The following OLFM1 variants were observed in gnomAD, a reference collection of about 807,000 sequenced individuals.
The protein encoded by OLFM1 is olfactomedin 1, also known as noelin.
In OLFM1, 9 loss-of-function variants were observed where a neutral mutation model predicts 49.7. The observed-to-expected ratio is 0.18, with a 90% CI of 0.11 to 0.32. OLFM1 has a LOEUF of 0.32. OLFM1 is among the 10% of genes least tolerant of loss of function. The pLI, the probability that OLFM1 is intolerant of heterozygous loss-of-function variation, is 1.00. For missense variants in OLFM1, 369 were observed against 661.8 expected, an observed-to-expected ratio of 0.56 and a Z score of 4.85; for synonymous variants, 240 against 271.8, an observed-to-expected ratio of 0.88 and a Z score of 1.15.
chr9:135,081,547 C>G (rs1243113432), intron 1 of OLFM1, among the ~76,000 whole-genome samples: 24 of 152,180 alleles, frequency 1.6e-4, no homozygotes, highest in Admixed American at 1.6e-3. Context: ...CCGTCCACCC[C>G]TTGGAAACGG....
intron 5 of OLFM1, among the ~76,000 whole-genome samples, chr9:135,116,218 G>A (rs1831094139): frequency 6.6e-6 from 1 of 152,168 alleles, no homozygotes; most frequent in South Asian, 2.1e-4. Context: ...AGGCCTGTGG[G>A]GTTCTGAGTG....
At chr9:135,110,071 C>T (rs929470288) in intron 5 of OLFM1, among the ~76,000 whole-genome samples, 2 of 152,212 alleles carry the variant, frequency 1.3e-5, no homozygotes, top group African/African-American at 2.4e-5. Context: ...CCCAGGGCAC[C>T]GGGCCCCACA....
chr9:135,110,469 G>A (rs549444509), intron 5 of OLFM1, among the ~76,000 whole-genome samples: 2 of 152,320 alleles, frequency 1.3e-5, no homozygotes, highest in African/African-American at 2.4e-5. Context: ...TTAGCTTAGC[G>A]TTTCAAAGTC....
intron 1 of OLFM1, among the ~76,000 whole-genome samples, chr9:135,089,128 C>T (rs1830645028): frequency 6.6e-6 from 1 of 152,198 alleles, no homozygotes; most frequent in African/African-American, 2.4e-5. Flanking sequence ...GTGGCTCCCT[C>T]CTAAGACCCC....
In OLFM1 at chr9:135,113,592, C is replaced by A. The variant is rs575028772; in HGVS notation, c.784-5912C>A. Among the ~76,000 whole-genome samples the A allele has an allele frequency of 6.6e-6, 1 of 152,124 alleles. No individual in the cohort carries two copies. The highest frequency in any genetic ancestry group is 6.5e-5 in the Admixed American group (1 of 15,282). ...TGGCGGTGGAGGCGCTTCTTGGTGC[C>A]GCATTAACAGGAGTCCAGCCACGTG... is the stretch of plus-strand genomic sequence containing the variant. On this transcript the variant is annotated intron_variant, in intron 5 of 5. Transcript: ENST00000371793. This position sits in a 1 kb window ranked among gnomAD's most constrained non-coding sequence, Gnocchi z 4.0.
At chr9:135,099,704 A>G (rs536542333) in intron 4 of OLFM1, among the ~76,000 whole-genome samples, 7 of 152,348 alleles carry the variant, frequency 4.6e-5, no homozygotes, top group Admixed American at 4.6e-4. Context: ...TGATGTGTGC[A>G]TGCTGGCTGT....
Position 135,119,842 on chromosome 9 carries a change from T to C in OLFM1, c.1122T>C (p.Ala374=), listed in dbSNP as rs775977726. 2 of 1,613,792 alleles carry C rather than the reference T, an allele frequency of 1.2e-6. No homozygotes were observed. The highest frequency in any genetic ancestry group is 1.7e-6 in the Non-Finnish European group (2 of 1,180,032). ...LWAVYATNQN[A]GNIVVSRLDP... ...CCGTGTACGCCACCAACCAGAACGC[T>C]GGCAACATCGTGGTCAGTAGGCTGG... The change falls in exon 6 of 6, where the codon GCT becomes GCC. Residue 374 remains alanine (A), a synonymous_variant. Coordinates refer to ENST00000371793, the MANE Select transcript of OLFM1 (RefSeq NM_001282611.2).
At position 135,075,817 on chromosome 9, in the gene OLFM1, C is replaced by T. The variant is rs779295770; in HGVS notation, c.96+15C>T. The stretch of plus-strand genomic sequence containing the variant: ...AACTCACTCAAGTACGTGCATCCAA[C>T]GCCATTTTCCTCCCTGCCAGGCGCC... On this transcript the variant is annotated intron_variant, in intron 1 of 5. Transcript: ENST00000252854. 1.6e-5 allele frequency: 26 copies of T among 1,593,944 alleles called. No individual in the cohort carries two copies. The South Asian group carries it at 1.8e-4, about 11-fold the overall frequency.
chr9:135,108,337 G>C (rs1830974712), intron 5 of OLFM1, among the ~76,000 whole-genome samples: 1 of 152,168 alleles, frequency 6.6e-6, no homozygotes, highest in African/African-American at 2.4e-5. Flanking sequence ...ATGCTGGCAG[G>C]CACTTAGAAA....
intron 4 of OLFM1, among the ~76,000 whole-genome samples, chr9:135,104,407 C>T (rs1221402493): frequency 6.6e-6 from 1 of 152,208 alleles, no homozygotes; most frequent in Admixed American, 6.5e-5. Flanking sequence ...TGGTCTCCTT[C>T]CGGTAGGTCA....
At chr9:135,079,591 C>T (rs561781572) in intron 1 of OLFM1, among the ~76,000 whole-genome samples, 46 of 151,984 alleles carry the variant, frequency 3.0e-4, no homozygotes, top group African/African-American at 1.1e-3. Context: ...GGCGACAGAG[C>T]GAGATTCTGT....
Position 135,113,200 on chromosome 9 carries a change from G to A in OLFM1, c.784-6304G>A, listed in dbSNP as rs572305536. Among the ~76,000 whole-genome samples the A allele has an allele frequency of 6.6e-6, 1 of 152,272 alleles. No homozygotes were observed. The highest frequency in any genetic ancestry group is 1.9e-4 in the East Asian group (1 of 5,150). On this transcript the variant is annotated intron_variant, in intron 5 of 5. Transcript: ENST00000371793. This position sits in a 1 kb window ranked among gnomAD's most constrained non-coding sequence, Gnocchi z 4.0. ...GGGGTCCCTAAGCCTCTGTGACTCT[G>A]TGGAGGGATGGGTGTCACGGCCTGT...
chr9:135,087,224 G>T, upstream of OLFM1: 1 of 1,404,720 alleles, frequency 7.1e-7, no homozygotes, highest in Non-Finnish European at 9.2e-7. Flanking sequence ...CTGCCTGCTG[G>T]GTTTCAGGCG....
At position 135,104,618 on chromosome 9, in the gene OLFM1, C is replaced by T. The variant is rs542734243; in HGVS notation, c.677-2131C>T. ...ACAGAACCACGGCGTGGAAAGTCCT[C>T]ACGGGATGTTCACAGGGCCAAGGCA... On this transcript the variant is annotated intron_variant, in intron 4 of 5. Transcript: ENST00000371793. Among the ~76,000 whole-genome samples the T allele has an allele frequency of 4.6e-5, 7 of 152,346 alleles. No individual in the cohort carries two copies. The South Asian group carries it at 1.4e-3, about 32-fold the overall frequency.
chr9:135,086,712 G>T, upstream of OLFM1: 1 of 455,930 alleles, frequency 2.2e-6, no homozygotes, highest in South Asian at 1.5e-5. Context: ...CTTCAGGTGG[G>T]ACTGACACGC....
chr9:135,111,647 G>A (rs1267220844), intron 5 of OLFM1, among the ~76,000 whole-genome samples: 3 of 152,154 alleles, frequency 2.0e-5, no homozygotes, highest in Non-Finnish European at 4.4e-5. Flanking sequence ...GGGCACAGAG[G>A]TTCGGAGCTG....
In OLFM1 at chr9:135,090,266, C is replaced by T; in HGVS notation, c.222C>T (p.Ile74=). 6.2e-7 allele frequency: 1 copy of T among 1,614,112 alleles called. No homozygotes were observed. Among genetic ancestry groups the T allele is most frequent in the African/African-American group, 1.3e-5 (1 of 75,046 alleles). The change falls in exon 2 of 6, where the codon ATC becomes ATT. Residue 74 remains isoleucine, a synonymous_variant. Transcript: ENST00000371793. The stretch of plus-strand genomic sequence containing the variant: ...CCCAGGACAGCGAGGGCAGGTGTAT[C>T]TGCACAGTGGTCGCTCCACAGCAGA... ...SSAQDSEGRC[I]CTVVAPQQTM...
rs561807061 is a variant in OLFM1 at position 135,120,061 on chromosome 9, C to T, written c.1341C>T (p.Ser447=). 1 of 1,614,108 alleles carries T rather than the reference C, an allele frequency of 6.2e-7. No homozygotes were observed. The highest frequency in any genetic ancestry group is 1.7e-5 in the Admixed American group (1 of 60,016). ...YIDIPFQNKY[S]HISMLDYNPK... ...ACATCCCATTCCAGAACAAATACTCCCACATCTCCATGCTGGACTACAACC... is the reference window on the plus strand; with the variant it reads ...ACATCCCATTCCAGAACAAATACTCTCACATCTCCATGCTGGACTACAACC... The change falls in exon 6 of 6, where the codon TCC becomes TCT. Residue 447 remains serine (S), a synonymous_variant. Transcript: ENST00000371793.
chr9:135,091,476 C>T (rs1231103551), intron 2 of OLFM1, among the ~76,000 whole-genome samples: 2 of 150,708 alleles, frequency 1.3e-5, no homozygotes, highest in African/African-American at 4.9e-5. Flanking sequence ...CAGTCACACA[C>T]ATTCACACAT....
Sources: allele counts gnomAD v4.1 joint callset (sites outside exome capture counted in the v4.1 genomes callset), GRCh38; gene constraint gnomAD v4.1.1; non-coding constraint Gnocchi (gnomAD v3.1); transcripts MANE v1.5; gene names NCBI Gene and HGNC (gene_info 2026-07-23, HGNC 2026-07-21).